Variants in LIMCH1 observed in about 807,000 individuals in gnomAD.
The protein encoded by LIMCH1 is LIM and calponin homology domains-containing protein 1.
A neutral mutation model predicts 176.5 loss-of-function variants in LIMCH1; 113 were observed. That is an observed-to-expected ratio of 0.64 (90% CI 0.55 to 0.75). LIMCH1 has a LOEUF of 0.75. Ranked by LOEUF, LIMCH1 falls within the 30% of genes least tolerant of loss-of-function variation. The probability of loss-of-function intolerance (pLI) is 0.00; values close to 1 mark genes in which losing one functional copy is unlikely to be tolerated. For synonymous variants in LIMCH1, 619 were observed against 645.9 expected (o/e 0.96, Z 0.63); for missense variants, 1,674 against 1,814.9 (o/e 0.92, Z 1.41).
At chr4:41,409,668 G>A (rs889134367) in intron 1 of LIMCH1, among the ~76,000 whole-genome samples, 5 of 152,114 alleles carry the variant, frequency 3.3e-5, no homozygotes, top group Admixed American at 6.6e-5. Context: ...GACTTAGAGC[G>A]GTTCCTATAA....
intron 1 of LIMCH1, among the ~76,000 whole-genome samples, chr4:41,381,591 GC>G (rs2055680641): frequency 6.6e-6 from 1 of 152,156 alleles, no homozygotes; most frequent in East Asian, 1.9e-4. Flanking sequence ...ATTCGGGCAG[GC>G]CCTCTGACTT....
intron 14 of LIMCH1, among the ~76,000 whole-genome samples, chr4:41,642,817 G>C (rs1025920963): frequency 4.0e-5 from 6 of 149,410 alleles, no homozygotes; most frequent in Admixed American, 3.4e-4. Flanking sequence ...GACCTCAAGT[G>C]ATCTGCCCAC....
intron 1 of LIMCH1, among the ~76,000 whole-genome samples, chr4:41,479,393 A>G (rs1018764131): frequency 6.6e-6 from 1 of 152,182 alleles, no homozygotes; most frequent in Non-Finnish European, 1.5e-5. Context: ...CTGGGTCTAC[A>G]TGCATGTACC....
chr4:41,646,989 A>C, intron 17 of LIMCH1, 96 bp downstream of exon 17: 1 of 1,179,802 alleles, frequency 8.5e-7, no homozygotes, highest in East Asian at 2.4e-5. Context: ...TCTTTTTACC[A>C]TACAAAAGAA....
rs757933680 is a variant in LIMCH1 at position 41,395,229 on chromosome 4, AT to A, written c.96+34313del. On this transcript the variant is annotated intron_variant, in intron 1 of 26. Coordinates refer to the LIMCH1 transcript ENST00000313860. ...TCATCAGCTAGACTAGTAGAAGTTA[AT>A]TTTTTTTTTTTTTTTTTTTGAGATG... Among the ~76,000 whole-genome samples, 796 of 130,894 alleles carry A rather than the reference AT, an allele frequency of 6.1e-3. 4 individuals are homozygous for A. The highest frequency in any genetic ancestry group is 0.057 in the East Asian group (265 of 4,670). 85.9% of individuals were successfully genotyped at this position (130,894 alleles called of 152,430 possible).
intron 1 of LIMCH1, among the ~76,000 whole-genome samples, chr4:41,552,992 A>G (rs1480451114): frequency 6.6e-6 from 1 of 152,174 alleles, no homozygotes; most frequent in Non-Finnish European, 1.5e-5. Flanking sequence ...ATCCCCAAAA[A>G]TCTGAATGGA....
At chr4:41,681,886 A>G (rs1425597167) in intron 25 of LIMCH1, among the ~76,000 whole-genome samples, 4 of 152,152 alleles carry the variant, frequency 2.6e-5, no homozygotes, top group Non-Finnish European at 5.9e-5. Flanking sequence ...ACAAAAATCC[A>G]CAAGAAATTT....
At chr4:41,644,380 C>A in intron 14 of LIMCH1, 120 bp from the exon 15 acceptor site, 2 of 1,294,838 alleles carry the variant, frequency 1.5e-6, no homozygotes, top group Non-Finnish European at 2.0e-6. Context: ...TGTGCGCAGC[C>A]CGGGAAGGGG....
chr4:41,527,369 G>T (rs1217373026), intron 3 of LIMCH1, among the ~76,000 whole-genome samples: 1 of 152,210 alleles, frequency 6.6e-6, no homozygotes, highest in Non-Finnish European at 1.5e-5. Flanking sequence ...AGTTGGCCAT[G>T]ATCAAACTTA....
intron 1 of LIMCH1, among the ~76,000 whole-genome samples, chr4:41,423,521 G>A (rs2060806416): frequency 6.6e-6 from 1 of 152,038 alleles, no homozygotes; most frequent in Non-Finnish European, 1.5e-5. Flanking sequence ...AATGGGAGGG[G>A]AGGTGAGAAG....
At chr4:41,651,244 A>T (rs2094285132) in intron 18 of LIMCH1, among the ~76,000 whole-genome samples, 1 of 152,116 alleles carries the variant, frequency 6.6e-6, no homozygotes, top group Non-Finnish European at 1.5e-5. Context: ...ACCTCAAGTG[A>T]TCCACCCACC....
chr4:41,432,393 C>T (rs1308020767), intron 1 of LIMCH1, among the ~76,000 whole-genome samples: 1 of 152,172 alleles, frequency 6.6e-6, no homozygotes, highest in Non-Finnish European at 1.5e-5. Flanking sequence ...TAACTCTTTA[C>T]GTATAACGTC....
chr4:41,488,135 C>A (rs948016885), intron 1 of LIMCH1, among the ~76,000 whole-genome samples: 1 of 152,092 alleles, frequency 6.6e-6, no homozygotes, highest in South Asian at 2.1e-4. Context: ...TGTAGCTAAA[C>A]TTTGTTGGGC....
chr4:41,642,809 C>A (rs1216408079), intron 14 of LIMCH1, among the ~76,000 whole-genome samples: 1 of 150,338 alleles, frequency 6.7e-6, no homozygotes, highest in Non-Finnish European at 1.5e-5. Context: ...GAATTCCTGA[C>A]CTCAAGTGAT....
intron 1 of LIMCH1, among the ~76,000 whole-genome samples, chr4:41,419,456 G>A (rs924600753): frequency 5.3e-5 from 8 of 152,098 alleles, no homozygotes; most frequent in Non-Finnish European, 1.0e-4. Flanking sequence ...TTACAAGCGT[G>A]AGCCACCATA....
chr4:41,621,942 A>G (rs2092610730), intron 7 of LIMCH1, among the ~76,000 whole-genome samples: 1 of 151,804 alleles, frequency 6.6e-6, no homozygotes, highest in Admixed American at 6.6e-5. Context: ...TCCAGTGTTG[A>G]GTTACATAAA....
In LIMCH1 at chr4:41,461,804, T is replaced by C. The variant is rs796621998; in HGVS notation, c.97-32732T>C. The stretch of plus-strand genomic sequence containing the variant: ...GCATTTCTCCCTCACATGTTGTCCC[T>C]TTGCTTTGCATGGAAATCATTACCT... On this transcript the variant is annotated intron_variant, in intron 1 of 26. Transcript: ENST00000313860. Among the ~76,000 whole-genome samples, 6 of 152,292 alleles carry C rather than the reference T, an allele frequency of 3.9e-5. No individual in the cohort carries two copies. In the South Asian group the frequency reaches 1.2e-3, roughly 32 times the overall value.
rs550110797 is a variant in LIMCH1, at chr4:41,566,484, G to C, written c.-241+28134G>C. Among the ~76,000 whole-genome samples, 6 of 149,112 alleles carry C rather than the reference G, an allele frequency of 4.0e-5. No individual in the cohort carries two copies. In the South Asian group the frequency reaches 1.2e-3, roughly 31 times the overall value. The stretch of plus-strand genomic sequence containing the variant: ...TTGAATGTGGGGAAGAGATAGGCCT[G>C]GGGGAGACATGATGAAATATCAGAA... On this transcript the variant is annotated intron_variant, in intron 1 of 31. Coordinates refer to ENST00000503057, the MANE Select transcript of LIMCH1 (RefSeq NM_001330672.2).
At chr4:41,588,878 C>T (rs1381244186) in intron 1 of LIMCH1, among the ~76,000 whole-genome samples, 1 of 152,160 alleles carries the variant, frequency 6.6e-6, no homozygotes, top group Non-Finnish European at 1.5e-5. Context: ...GAGGGAGGGC[C>T]AGGAGTGTTA....
Sources: allele counts gnomAD v4.1 joint callset (sites outside exome capture counted in the v4.1 genomes callset), GRCh38; gene constraint gnomAD v4.1.1; transcripts MANE v1.5; gene names NCBI Gene and HGNC (gene_info 2026-07-23, HGNC 2026-07-21).